The following AHCY variants were observed in gnomAD, a reference collection of about 807,000 sequenced individuals.
AHCY encodes S-adenosyl-L-homocysteine hydrolase.
AHCY carries 24 observed loss-of-function variants against 45.4 expected under a neutral mutation model. The ratio of observed to expected loss-of-function variants is 0.53; its 90% confidence interval spans 0.38 to 0.74. The LOEUF (loss-of-function observed/expected upper bound fraction) is 0.74. AHCY is among the 30% of genes least tolerant of loss of function. The pLI is 0.00. For synonymous variants in AHCY, 245 were observed against 235.1 expected (o/e 1.04, Z -0.39); for missense variants, 449 against 594.1 (o/e 0.76, Z 2.54).
At chr20:34,282,924 C>G (rs2036049760) in intron 9 of AHCY, among the ~76,000 whole-genome samples, 1 of 152,194 alleles carries the variant, frequency 6.6e-6, no homozygotes, top group African/African-American at 2.4e-5. Context: ...TTTTACATTC[C>G]CAAGTGGTTT....
At chr20:34,267,942 A>T in the AHCY span, among the ~76,000 whole-genome samples, 1,706 of 135,876 alleles carry the variant, frequency 0.013, 18 homozygotes, top group Middle Eastern at 0.028. Flanking sequence ...AAGTTATTGA[A>T]ATAATTTATT....
intron 1 of AHCY, among the ~76,000 whole-genome samples, chr20:34,297,101 G>A (rs961578620): frequency 1.3e-5 from 2 of 151,916 alleles, no homozygotes; most frequent in African/African-American, 4.8e-5. Context: ...ACAAGGCTGT[G>A]GCCTGTCAGG....
At chr20:34,235,913 AG>A in the AHCY span, among the ~76,000 whole-genome samples, 15 of 107,086 alleles carry the variant, frequency 1.4e-4, 2 homozygotes, top group African/African-American at 6.5e-4. Flanking sequence ...GAAGGAAGGA[AG>A]GAAGGAAGGA....
At chr20:34,239,636 G>A in the AHCY span, among the ~76,000 whole-genome samples, 2 of 152,212 alleles carry the variant, frequency 1.3e-5, no homozygotes, top group Non-Finnish European at 2.9e-5. Context: ...TGAGATAGCA[G>A]TGTTCAGACA....
In AHCY at chr20:34,282,784, G is replaced by A. The variant is rs541119655; in HGVS notation, c.1168-1619C>T. ...GAAGAGATTATGCAGAAACCGAGGA[G>A]GACAGAGGCAAGAGTTAAATACAAG... On this transcript the variant is annotated intron_variant, in intron 9 of 9. Coordinates refer to ENST00000217426, the MANE Select transcript of AHCY (RefSeq NM_000687.4). Among the ~76,000 whole-genome samples, 5 of 152,224 alleles carry A rather than the reference G, an allele frequency of 3.3e-5. No homozygotes were observed. The South Asian group carries it at 1.0e-3, about 32-fold the overall frequency.
upstream of AHCY, among the ~76,000 whole-genome samples, chr20:34,306,470 G>A (rs2036897789): frequency 6.6e-6 from 1 of 151,442 alleles, no homozygotes; most frequent in Non-Finnish European, 1.5e-5. Context: ...CAGGTTCAAA[G>A]TGATTCTCGT....
chr20:34,305,546 T>C (rs1437132620), upstream of AHCY, among the ~76,000 whole-genome samples: 1 of 152,152 alleles, frequency 6.6e-6, no homozygotes. Flanking sequence ...TAGTGAGTCG[T>C]GTCAGTCTAA....
chr20:34,285,463 C>T lies in AHCY; in HGVS notation c.1144G>A (p.Gly382Arg). Residue 382 changes from glycine to arginine, a missense_variant, in exon 9 of 10, where the codon GGG becomes AGG. By Grantham distance (125) the Gly-to-Arg change is moderately radical. Coordinates refer to ENST00000217426, the MANE Select transcript of AHCY (RefSeq NM_000687.4). Reference protein sequence around the residue: ...LWTHPDKYPVGVHFLPKKLDE... With the variant: ...LWTHPDKYPVRVHFLPKKLDE... ...ACCTTCTTGGGCAGGAAATGAACCC[C>T]AACGGGGTACTTGTCTGGATGGGTC... is the stretch of plus-strand genomic sequence containing the variant. 6.2e-7 allele frequency: 1 copy of T among 1,614,036 alleles called. No homozygotes were observed. Among genetic ancestry groups the T allele is most frequent in the Non-Finnish European group, 8.5e-7 (1 of 1,179,900 alleles).
the AHCY span, chr20:34,269,385 T>C: frequency 7.0e-6 from 4 of 570,570 alleles, no homozygotes; most frequent in East Asian, 7.0e-5. Flanking sequence ...CCGAAAGTTC[T>C]CGGTCCCTTC....
At chr20:34,258,781 A>AG in the AHCY span, among the ~76,000 whole-genome samples, 2,272 of 72,548 alleles carry the variant, frequency 0.031, 198 homozygotes, top group African/African-American at 0.21. Flanking sequence ...TATATATAGT[A>AG]TATATATAGT....
chr20:34,240,129 A>G, the AHCY span, among the ~76,000 whole-genome samples: 2 of 152,198 alleles, frequency 1.3e-5, no homozygotes, highest in African/African-American at 4.8e-5. Flanking sequence ...ATTGGCACTA[A>G]AGAATCATTT....
At chr20:34,269,156 C>G in the AHCY span, 5 of 1,538,988 alleles carry the variant, frequency 3.2e-6, 1 homozygote, top group South Asian at 4.8e-5. Flanking sequence ...CGTGCTCAGC[C>G]TCAACTGCTG....
the AHCY span, among the ~76,000 whole-genome samples, chr20:34,251,770 G>A: frequency 1.1e-4 from 16 of 152,324 alleles, 1 homozygote; most frequent in East Asian, 3.1e-3. Context: ...CCTCATGAAT[G>A]AGACTAGTGC....
At chr20:34,246,686 G>A in the AHCY span, 3 of 465,792 alleles carry the variant, frequency 6.4e-6, no homozygotes, top group Admixed American at 6.0e-5. Flanking sequence ...TTGAACTCCT[G>A]ACCTCAAGTG....
At chr20:34,307,160 C>T (rs1210841257), upstream of AHCY, among the ~76,000 whole-genome samples, 1 of 150,206 alleles carries the variant, frequency 6.7e-6, no homozygotes, top group Non-Finnish European at 1.5e-5. Flanking sequence ...TATCTAGGCT[C>T]ACAGCAACCT....
chr20:34,261,312 G>A, the AHCY span, among the ~76,000 whole-genome samples: 4 of 151,950 alleles, frequency 2.6e-5, no homozygotes, highest in Non-Finnish European at 4.4e-5. Context: ...CAGACTGAGC[G>A]ACATAGGGAG....
At chr20:34,296,586 A>G (rs540093955) in intron 1 of AHCY, among the ~76,000 whole-genome samples, 1 of 152,272 alleles carries the variant, frequency 6.6e-6, no homozygotes, top group East Asian at 1.9e-4. Context: ...CTAACTCACT[A>G]TCTCAATACT....
rs140176953 is a variant in AHCY at position 34,294,096 on chromosome 20, T to C, written c.280A>G (p.Lys94Glu). 23 of 1,614,150 alleles carry C rather than the reference T, an allele frequency of 1.4e-5. No homozygotes were observed. In the African/African-American group the frequency reaches 3.1e-4, roughly 22 times the overall value. ...TQDHAAAAIA[K>E]AGIPVYAWKG... ...CAGGACTTACCCGGAATGCCAGCCT[T>C]GGCAATGGCAGCCGCCGCATGGTCC... is the stretch of plus-strand genomic sequence containing the variant. Residue 94 changes from lysine (K) to glutamate (E), a missense_variant, in exon 3 of 10, where the codon AAG becomes GAG. Lys to Glu is a moderately conservative substitution (Grantham distance 56). Coordinates refer to ENST00000217426, the MANE Select transcript of AHCY (RefSeq NM_000687.4).
chr20:34,260,629 C>A, the AHCY span: 1 of 1,329,168 alleles, frequency 7.5e-7, no homozygotes, highest in Non-Finnish European at 1.0e-6. Context: ...CCGCCATGGT[C>A]ACGGCTCCTT....
Sources: allele counts gnomAD v4.1 joint callset (sites outside exome capture counted in the v4.1 genomes callset), GRCh38; gene constraint gnomAD v4.1.1; transcripts MANE v1.5; gene names NCBI Gene and HGNC (gene_info 2026-07-23, HGNC 2026-07-21).